The following POLR3B variants were observed in gnomAD, a reference collection of about 807,000 sequenced individuals.
The protein encoded by POLR3B is RNA polymerase III subunit B, also known as DNA-directed RNA polymerase III subunit RPC2.
A neutral mutation model predicts 147.4 loss-of-function variants in POLR3B; 96 were observed. The observed-to-expected ratio is 0.65, with a 90% CI of 0.55 to 0.77. POLR3B has a LOEUF of 0.77. Among genes scored for constraint, POLR3B ranks in the 30% least tolerant of loss-of-function variants. POLR3B has a pLI of 0.00. For missense variants in POLR3B, 1,036 were observed against 1,413.5 expected, an observed-to-expected ratio of 0.73 and a Z score of 4.28; for synonymous variants, 461 against 485.9, an observed-to-expected ratio of 0.95 and a Z score of 0.67.
chr12:106,367,958 T>G (rs1469453976), intron 4 of POLR3B, among the ~76,000 whole-genome samples: 1 of 152,182 alleles, frequency 6.6e-6, no homozygotes, highest in Admixed American at 6.6e-5. Flanking sequence ...ATACTGGAAT[T>G]CTGTACAGAA....
intron 23 of POLR3B, among the ~76,000 whole-genome samples, chr12:106,491,345 C>T (rs983214152): frequency 3.3e-5 from 5 of 152,318 alleles, no homozygotes; most frequent in South Asian, 2.1e-4. Flanking sequence ...CCCAATTCCT[C>T]GATTCACCTG....
intron 12 of POLR3B, among the ~76,000 whole-genome samples, chr12:106,411,340 G>C (rs1157847254): frequency 6.6e-6 from 1 of 152,074 alleles, no homozygotes; most frequent in East Asian, 1.9e-4. Flanking sequence ...GTTTCTCCAT[G>C]TTGGTCAGGC....
At chr12:106,359,197 T>G (rs1230047457) in intron 1 of POLR3B, among the ~76,000 whole-genome samples, 2 of 152,150 alleles carry the variant, frequency 1.3e-5, no homozygotes, top group African/African-American at 4.8e-5. Flanking sequence ...CCTGGGTGAC[T>G]GAGACCTTGT....
chr12:106,405,986 A>G lies in POLR3B; in HGVS notation c.966+10A>G, dbSNP rs1009429074. 1.9e-6 allele frequency: 3 copies of G among 1,613,500 alleles called. No individual in the cohort carries two copies. The highest frequency in any genetic ancestry group is 1.3e-5 in the African/African-American group (1 of 75,004). The stretch of plus-strand genomic sequence containing the variant: ...TCTGACCCATGTCCCAGTGAGTAAC[A>G]CTTCGTTATTGTGAATAAGGACTGT... On this transcript the variant is annotated intron_variant, in intron 11 of 27. Coordinates refer to ENST00000228347, the MANE Select transcript of POLR3B (RefSeq NM_018082.6).
At chr12:106,465,417 G>A (rs1275466324) in intron 23 of POLR3B, among the ~76,000 whole-genome samples, 3 of 152,156 alleles carry the variant, frequency 2.0e-5, no homozygotes, top group African/African-American at 7.2e-5. Context: ...GCAAAGAGTT[G>A]CAGACTTGCA....
chr12:106,374,569 C>T (rs923179333), intron 6 of POLR3B, among the ~76,000 whole-genome samples: 2 of 150,802 alleles, frequency 1.3e-5, no homozygotes, highest in African/African-American at 4.9e-5. Context: ...GGCTGGAGTG[C>T]AGTGGTGTGA....
rs74415480 is a variant in POLR3B at position 106,393,194 on chromosome 12, G to A, written c.846+41G>A. ...TTGTCCTTTGCTATGAAATGGAATT[G>A]GAGACTTAATGCTGCTCATTGATAA... On this transcript the variant is annotated intron_variant, in intron 10 of 27. Transcript: ENST00000228347. The A allele has an allele frequency of 4.3e-4, 696 of 1,612,480 alleles. 5 individuals carry two copies. The East Asian group carries it at 0.015, about 35-fold the overall frequency.
At chr12:106,429,228 C>T (rs2037476460) in intron 13 of POLR3B, among the ~76,000 whole-genome samples, 1 of 152,172 alleles carries the variant, frequency 6.6e-6, no homozygotes, top group Non-Finnish European at 1.5e-5. Context: ...TCTCAGCTCC[C>T]TGCAGCCCCT....
intron 1 of POLR3B, among the ~76,000 whole-genome samples, 162 bp from the exon 2 acceptor site, chr12:106,363,708 A>G (rs924393830): frequency 2.0e-5 from 3 of 152,356 alleles, no homozygotes; most frequent in Middle Eastern, 3.4e-3. Flanking sequence ...GTGTATACAT[A>G]TTTATATGCA....
chr12:106,361,038 C>A (rs1365666511), intron 1 of POLR3B, among the ~76,000 whole-genome samples: 5 of 152,164 alleles, frequency 3.3e-5, no homozygotes, highest in Admixed American at 3.3e-4. Context: ...GCTGCAAGCA[C>A]AGCATATGAT....
chr12:106,438,447 A>G (rs1006692600), intron 18 of POLR3B, among the ~76,000 whole-genome samples: 2 of 151,912 alleles, frequency 1.3e-5, no homozygotes, highest in African/African-American at 4.8e-5. Context: ...ATATATCCAT[A>G]TATCCATATA....
chr12:106,448,085 G>A (rs920528398), intron 19 of POLR3B, among the ~76,000 whole-genome samples: 4 of 151,942 alleles, frequency 2.6e-5, no homozygotes, highest in Admixed American at 1.3e-4. Context: ...TTCTTTGTCC[G>A]TTTAAGGGTA....
intron 1 of POLR3B, chr12:106,358,184 C>T (rs1359879245): frequency 3.5e-6 from 5 of 1,431,546 alleles, no homozygotes; most frequent in Non-Finnish European, 3.6e-6. Flanking sequence ...GCCGAGAAGC[C>T]CCGCTGCTGG....
At chr12:106,436,015 C>T (rs766498234) in intron 16 of POLR3B, among the ~76,000 whole-genome samples, 16 of 152,112 alleles carry the variant, frequency 1.1e-4, no homozygotes, top group Non-Finnish European at 1.8e-4. Flanking sequence ...TCCACTGCAG[C>T]GCTCAAATGA....
chr12:106,380,882 T>A (rs529014558), intron 9 of POLR3B, among the ~76,000 whole-genome samples: 1 of 152,320 alleles, frequency 6.6e-6, no homozygotes, highest in East Asian at 1.9e-4. Context: ...CTGGTTTTGT[T>A]CCAGACCACC....
chr12:106,373,136 A>G (rs1045662961), intron 6 of POLR3B, among the ~76,000 whole-genome samples: 5 of 152,208 alleles, frequency 3.3e-5, no homozygotes, highest in African/African-American at 1.2e-4. Context: ...GACGTTTTGT[A>G]TCAGCATTGC....
intron 23 of POLR3B, among the ~76,000 whole-genome samples, chr12:106,487,775 G>A (rs1380514753): frequency 6.6e-6 from 1 of 152,194 alleles, no homozygotes; most frequent in Non-Finnish European, 1.5e-5. Flanking sequence ...AACATAAAGA[G>A]GAAGCGGAAC....
In POLR3B at chr12:106,376,408, C is replaced by G; in HGVS notation, c.454C>G (p.Pro152Ala). Residue 152 changes from proline to alanine, a missense_variant, in exon 7 of 28, where the codon CCA becomes GCA. Pro to Ala is a conservative substitution (Grantham distance 27, BLOSUM62 -1). Coordinates refer to ENST00000228347, the MANE Select transcript of POLR3B (RefSeq NM_018082.6). ...SSNCVLTGKT[P>A]AEFAKLNECP... is the part of the protein sequence containing the mutation. Reference sequence around the variant, plus strand: ...AAACTGTGTTCTTACAGGAAAAACGCCAGCAGAATTTGCCAAACTGAACGA... The same window carrying G: ...AAACTGTGTTCTTACAGGAAAAACGGCAGCAGAATTTGCCAAACTGAACGA... 4.3e-6 allele frequency: 7 copies of G among 1,613,590 alleles called. No individual in the cohort carries two copies. The highest frequency in any genetic ancestry group is 2.2e-5 in the East Asian group (1 of 44,876).
chr12:106,494,428 G>T (rs894864409), intron 23 of POLR3B, among the ~76,000 whole-genome samples: 3 of 152,056 alleles, frequency 2.0e-5, no homozygotes, highest in Admixed American at 6.6e-5. Flanking sequence ...TTTTTCAGGG[G>T]TATAGCTGAA....
Sources: allele counts gnomAD v4.1 joint callset (sites outside exome capture counted in the v4.1 genomes callset), GRCh38; gene constraint gnomAD v4.1.1; transcripts MANE v1.5; gene names NCBI Gene and HGNC (gene_info 2026-07-23, HGNC 2026-07-21).